Variants in PAX2 observed in about 807,000 individuals in gnomAD.
The protein encoded by PAX2 is paired box protein Pax-2.
In PAX2, 9 loss-of-function variants were observed where a neutral mutation model predicts 41.7. The observed-to-expected ratio is 0.22, with a 90% CI of 0.13 to 0.38. PAX2 has a LOEUF of 0.38. Ranked by LOEUF, PAX2 falls within the 10% of genes least tolerant of loss-of-function variation. PAX2 has a pLI of 1.00. For synonymous variants in PAX2, 221 were observed against 212.7 expected (o/e 1.04, Z -0.34); for missense variants, 418 against 531.6 (o/e 0.79, Z 2.10).
At position 100,827,094 on chromosome 10, in the gene PAX2, A is replaced by G; in HGVS notation, c.1107A>G (p.Leu369=). 1 of 1,609,894 alleles carries G rather than the reference A, an allele frequency of 6.2e-7. No homozygotes were observed. Among genetic ancestry groups the G allele is most frequent in the African/African-American group, 1.3e-5 (1 of 74,938 alleles). The part of the protein sequence containing the change: ...EAWRFSNPAL[L]SSPYYYSAAP... Reference sequence around the variant, plus strand: ...GGAGATTCAGCAACCCCGCCTTACTAAGTGAGTACGCCACCTGGCTGGCCG... The same window carrying G: ...GGAGATTCAGCAACCCCGCCTTACTGAGTGAGTACGCCACCTGGCTGGCCG... Residue 369 remains leucine, a splice_region_variant and synonymous_variant, in exon 9 of 10, where the codon CTA becomes CTG. Coordinates refer to ENST00000355243, the MANE Select transcript of PAX2 (RefSeq NM_000278.5). The surrounding 1 kb of genome is among the most constrained non-coding windows in gnomAD (Gnocchi z 8.5).
Position 100,768,578 on chromosome 10 carries a change from A to G in PAX2, c.411-10920A>G, listed in dbSNP as rs770331420. On this transcript the variant is annotated intron_variant, in intron 3 of 9. Transcript: ENST00000355243. ...TACCTGTGCTCTCTGTTAATTGTCT[A>G]CATATATAATTGCTCAATTTTCCAA... 2.0e-4 allele frequency among the ~76,000 whole-genome samples: 31 copies of G among 152,344 alleles called. 1 individual carries two copies. The highest frequency in any genetic ancestry group is 8.3e-4 in the South Asian group (4 of 4,832).
rs913726217 is a variant in PAX2 at position 100,748,356 on chromosome 10, G to A, written c.44-1390G>A. On this transcript the variant is annotated intron_variant, in intron 1 of 9. Coordinates refer to ENST00000355243, the MANE Select transcript of PAX2 (RefSeq NM_000278.5). This position sits in a 1 kb window ranked among gnomAD's most constrained non-coding sequence, Gnocchi z 5.0. ...GGGTGGGCAAGGGGGTAAAAGAAGGGGCTTCAGTCTCTCCCAGCAACGCGA... is the reference window on the plus strand; with the variant it reads ...GGGTGGGCAAGGGGGTAAAAGAAGGAGCTTCAGTCTCTCCCAGCAACGCGA... 4 of 984,316 alleles carry A rather than the reference G, an allele frequency of 4.1e-6. No individual in the cohort carries two copies. Among genetic ancestry groups the A allele is most frequent in the African/African-American group, 3.5e-5 (2 of 57,112 alleles). 61.0% of individuals were successfully genotyped at this position (984,316 alleles called of 1,614,324 possible).
At chr10:100,805,039 C>T (rs867379716) in intron 5 of PAX2, among the ~76,000 whole-genome samples, 5 of 131,434 alleles carry the variant, frequency 3.8e-5, no homozygotes, top group African/African-American at 1.2e-4. Context: ...CACACACACA[C>T]ACACACACAC....
At position 100,770,202 on chromosome 10, in the gene PAX2, T is replaced by C. The variant is rs552597989; in HGVS notation, c.411-9296T>C. On this transcript the variant is annotated intron_variant, in intron 3 of 9. Transcript: ENST00000355243. ...ATGTGACTGCAGAGGGAGGTGAGCA[T>C]GCCTGTGGTGGGACAGGGTTGGGGG... 5.9e-5 allele frequency among the ~76,000 whole-genome samples: 9 copies of C among 152,284 alleles called. No individual in the cohort carries two copies. The East Asian group carries it at 1.5e-3, about 26-fold the overall frequency.
chr10:100,798,729 C>T (rs1280242470), intron 5 of PAX2, among the ~76,000 whole-genome samples: 1 of 152,124 alleles, frequency 6.6e-6, no homozygotes, highest in East Asian at 1.9e-4. Flanking sequence ...TCCACTCTCC[C>T]TTGTGACTCC....
intron 5 of PAX2, among the ~76,000 whole-genome samples, chr10:100,785,601 T>C (rs1846815338): frequency 6.6e-6 from 1 of 152,194 alleles, no homozygotes; most frequent in South Asian, 2.1e-4. Flanking sequence ...AGCAGTTTAT[T>C]TCCTTAGTTA....
chr10:100,736,220 G>A (rs1422446754), intron 1 of PAX2, among the ~76,000 whole-genome samples: 1 of 152,176 alleles, frequency 6.6e-6, no homozygotes, highest in African/African-American at 2.4e-5. Context: ...ACCTCTGTAG[G>A]GAGAAGGCTG....
At chr10:100,798,643 T>C (rs1232777948) in intron 5 of PAX2, among the ~76,000 whole-genome samples, 1 of 151,432 alleles carries the variant, frequency 6.6e-6, no homozygotes, top group Non-Finnish European at 1.5e-5. Context: ...CCCCTCATCC[T>C]CTCTTCTTCC....
At chr10:100,806,372 T>C in intron 5 of PAX2, 58 bp from the exon 6 acceptor site, 1 of 1,575,746 alleles carries the variant, frequency 6.3e-7, no homozygotes. Context: ...TGCCCTGCAC[T>C]GTTCCTGTGC....
Position 100,746,316 on chromosome 10 carries a change from G to T in PAX2, c.43+13G>T, listed in dbSNP as rs763464165. 42 of 1,551,240 alleles carry T rather than the reference G, an allele frequency of 2.7e-5. No homozygotes were observed. In the Admixed American group the frequency reaches 6.7e-4, roughly 25 times the overall value. On this transcript the variant is annotated intron_variant, in intron 1 of 9. Transcript: ENST00000355243. ...TCCGCGATGCACCGTGAGTACCGGC[G>T]CCCGGCTCCTGTCCCGGCTCGGGGC...
At chr10:100,811,758 G>T (rs1170168212) in intron 7 of PAX2, among the ~76,000 whole-genome samples, 1 of 152,182 alleles carries the variant, frequency 6.6e-6, no homozygotes, top group Non-Finnish European at 1.5e-5. Flanking sequence ...AAAGGTAAGG[G>T]AGCTGTTAGG....
chr10:100,758,609 G>T (rs765123990), intron 3 of PAX2, among the ~76,000 whole-genome samples: 1 of 152,226 alleles, frequency 6.6e-6, no homozygotes, highest in Non-Finnish European at 1.5e-5. Flanking sequence ...GCAGGAAGAG[G>T]CTCCAGAATA....
rs185739032 is a variant in PAX2 at position 100,775,314 on chromosome 10, C to T, written c.411-4184C>T. On this transcript the variant is annotated intron_variant, in intron 3 of 9. Transcript: ENST00000355243. ...CTGCTTTACTTCATTCATCCTTTAG[C>T]CCCGAGTGAAATTGCCATGAGTTGT... 1.2e-4 allele frequency among the ~76,000 whole-genome samples: 19 copies of T among 152,276 alleles called. No homozygotes were observed. In the East Asian group the frequency reaches 3.7e-3, roughly 29 times the overall value.
At chr10:100,811,123 G>A (rs1424854263) in intron 7 of PAX2, among the ~76,000 whole-genome samples, 1 of 152,090 alleles carries the variant, frequency 6.6e-6, no homozygotes, top group African/African-American at 2.4e-5. Context: ...AAAGAGACAA[G>A]TGTGTGGAGA....
chr10:100,770,692 A>C (rs1213013030), intron 3 of PAX2, among the ~76,000 whole-genome samples: 1 of 152,216 alleles, frequency 6.6e-6, no homozygotes, highest in Non-Finnish European at 1.5e-5. Context: ...GTTGATGCAG[A>C]ATATATGCCT....
intron 3 of PAX2, among the ~76,000 whole-genome samples, chr10:100,770,966 T>C (rs1250290999): frequency 2.0e-5 from 3 of 152,208 alleles, no homozygotes. Flanking sequence ...ACCAGAAGGA[T>C]GGTTTCTTCA....
chr10:100,764,200 G>T (rs1845939864), intron 3 of PAX2, among the ~76,000 whole-genome samples: 2 of 143,102 alleles, frequency 1.4e-5, no homozygotes, highest in East Asian at 2.1e-4. Context: ...CTGGAGTGCA[G>T]TGGCACCATC....
chr10:100,783,849 G>A (rs1182810697), intron 5 of PAX2, among the ~76,000 whole-genome samples: 2 of 152,074 alleles, frequency 1.3e-5, no homozygotes, highest in Non-Finnish European at 2.9e-5. Flanking sequence ...ACATTTACCT[G>A]CTGGGCCTAT....
At chr10:100,799,069 T>C (rs1389816960) in intron 5 of PAX2, among the ~76,000 whole-genome samples, 1 of 152,138 alleles carries the variant, frequency 6.6e-6, no homozygotes, top group East Asian at 1.9e-4. Flanking sequence ...AGCCTGGGGG[T>C]GAACCCCTCA....
Sources: allele counts gnomAD v4.1 joint callset (sites outside exome capture counted in the v4.1 genomes callset), GRCh38; gene constraint gnomAD v4.1.1; non-coding constraint Gnocchi (gnomAD v3.1); transcripts MANE v1.5; gene names NCBI Gene and HGNC (gene_info 2026-07-23, HGNC 2026-07-21).